The following TSSK3 variants were observed in gnomAD, a reference collection of about 807,000 sequenced individuals.
The protein encoded by TSSK3 is testis specific serine kinase 3.
TSSK3 carries 16 observed loss-of-function variants against 18.9 expected under a neutral mutation model. That is an observed-to-expected ratio of 0.85 (90% CI 0.57 to 1.28). TSSK3 has a LOEUF of 1.28. Ranked by LOEUF, TSSK3 falls within the 50% of genes most tolerant of loss-of-function variation. The probability of loss-of-function intolerance (pLI) is 0.00; values close to 1 mark genes in which losing one functional copy is unlikely to be tolerated. For missense variants in TSSK3, 345 were observed against 341.0 expected (o/e 1.01, Z -0.09); for synonymous variants, 146 against 133.9 (o/e 1.09, Z -0.62).
Position 32,364,256 on chromosome 1 carries a change from A to G in TSSK3, c.807A>G (p.Ter269TrpextTer1). 6.3e-7 allele frequency: 1 copy of G among 1,589,726 alleles called. No individual in the cohort carries two copies. The highest frequency in any genetic ancestry group is 8.6e-7 in the Non-Finnish European group (1 of 1,163,960). The change falls in exon 2 of 2, where the codon TGA becomes TGG. Residue 269 changes from the stop codon to tryptophan, a stop_lost. Coordinates refer to ENST00000373534, the MANE Select transcript of TSSK3 (RefSeq NM_052841.4). ...GGCATCCATGGCTAGCAAGCACTTGATAAAAGCAATGGCAAGTGCTCTCCA... is the reference window on the plus strand; with the variant it reads ...GGCATCCATGGCTAGCAAGCACTTGGTAAAAGCAATGGCAAGTGCTCTCCA... Reference protein sequence around the residue: ...VSWHPWLAST* With the variant: ...VSWHPWLASTW
At chr1:32,363,372 A>G in intron 1 of TSSK3, 1 of 565,972 alleles carries the variant, frequency 1.8e-6, no homozygotes, top group Non-Finnish European at 3.1e-6. Flanking sequence ...ACAGTCCACA[A>G]GGCTGGTGGG....
chr1:32,364,193 C>G lies in TSSK3; in HGVS notation c.744C>G (p.Pro248=). The part of the protein sequence containing the change: ...CQDLLKRLLE[P]DMILRPSIEE... ...ACCTGCTCAAGAGGCTCCTGGAACC[C>G]GATATGATCCTCCGGCCTTCAATTG... The change falls in exon 2 of 2, where the codon CCC becomes CCG. Residue 248 remains proline (P), a synonymous_variant. Coordinates refer to ENST00000373534, the MANE Select transcript of TSSK3 (RefSeq NM_052841.4). 6.2e-7 allele frequency: 1 copy of G among 1,612,874 alleles called. No individual in the cohort carries two copies. Among genetic ancestry groups the G allele is most frequent in the African/African-American group, 1.3e-5 (1 of 75,000 alleles).
intron 1 of TSSK3, 196 bp from the exon 2 acceptor site, chr1:32,363,399 T>A (rs1641745266): frequency 1.6e-6 from 1 of 606,612 alleles, no homozygotes; most frequent in African/African-American, 1.9e-5. Flanking sequence ...TTCTTTTGAA[T>A]GATATACTAA....
rs1188532491 is a variant in TSSK3 at position 32,364,034 on chromosome 1, C to G, written c.585C>G (p.Ser195Arg). 1 of 1,614,240 alleles carries G rather than the reference C, an allele frequency of 6.2e-7. No homozygotes were observed. The highest frequency in any genetic ancestry group is 8.5e-7 in the Non-Finnish European group (1 of 1,180,048). Residue 195 changes from serine (S) to arginine (R), a missense_variant, in exon 2 of 2, where the codon AGC (serine) becomes AGG (arginine). Coordinates refer to ENST00000373534, the MANE Select transcript of TSSK3 (RefSeq NM_052841.4). ...PHDSKKGDVWSMGVVLYVMLC... is the reference protein window; with the variant it reads ...PHDSKKGDVWRMGVVLYVMLC... ...ATAGCAAAAAAGGTGATGTCTGGAG[C>G]ATGGGTGTGGTCCTGTATGTCATGC...
rs767078812 is a variant in TSSK3 at position 32,364,134 on chromosome 1, C to T, written c.685C>T (p.Pro229Ser). 5.6e-6 allele frequency: 9 copies of T among 1,614,228 alleles called. No homozygotes were observed. The highest frequency in any genetic ancestry group is 2.5e-6 in the Non-Finnish European group (3 of 1,180,038). The change falls in exon 2 of 2, where the codon CCC becomes TCC. Residue 229 changes from proline (P) to serine (S), a missense_variant. Transcript: ENST00000373534. The part of the protein sequence containing the change: ...LWQQQKGVSF[P>S]THLSISADCQ... Reference sequence around the variant, plus strand: ...GCAGCAGCAGAAGGGGGTGTCCTTCCCCACTCATCTGAGCATCTCGGCCGA... The same window carrying T: ...GCAGCAGCAGAAGGGGGTGTCCTTCTCCACTCATCTGAGCATCTCGGCCGA...
rs1015107560 is a variant in TSSK3, at chr1:32,362,591, G to C, written c.-111G>C. ...ATGTTCTAACGCTGGGGGCGGCTGC[G>C]GATGAAGTCCTTGGGGAGAAAAGGA... is the stretch of plus-strand genomic sequence containing the variant. On this transcript the variant is annotated 5_prime_UTR_variant, in exon 1 of 2. Transcript: ENST00000373534. 4.5e-6 allele frequency: 6 copies of C among 1,324,348 alleles called. No individual in the cohort carries two copies. In the African/African-American group the frequency reaches 7.4e-5, roughly 16 times the overall value. The allele number at this position is 1,324,348 out of a possible 1,614,324, so 82.0% of individuals were successfully genotyped here. A position where few individuals can be genotyped will look rare whatever the true frequency, so the allele number is the denominator to read the frequency against.
intron 1 of TSSK3, 197 bp from the exon 2 acceptor site, chr1:32,363,398 A>ATGAT (rs1641745319): frequency 1.7e-6 from 1 of 605,264 alleles, no homozygotes; most frequent in African/African-American, 1.9e-5. Context: ...CTTCTTTTGA[A>ATGAT]TGATATACTA....
rs769600640 is a variant in TSSK3, at chr1:32,362,846, G to A, written c.145G>A (p.Glu49Lys). Reference protein sequence around the residue: ...KVIDKMGGPEEFIQRFLPREL... With the variant: ...KVIDKMGGPEKFIQRFLPREL... ...TATAGACAAGATGGGAGGGCCAGAA[G>A]GTGAGCCGGGGCCCCTTTGGAGGGA... The change falls in exon 1 of 2, where the codon GAG becomes AAG. Residue 49 changes from glutamate to lysine, a missense_variant and splice_region_variant. By Grantham distance (56) the Glu-to-Lys change is moderately conservative. Coordinates refer to ENST00000373534, the MANE Select transcript of TSSK3 (RefSeq NM_052841.4). 1 of 1,614,136 alleles carries A rather than the reference G, an allele frequency of 6.2e-7. No homozygotes were observed. Among genetic ancestry groups the A allele is most frequent in the Non-Finnish European group, 8.5e-7 (1 of 1,180,014 alleles).
chr1:32,362,938 TC>T (rs1459355845), intron 1 of TSSK3, 92 bp downstream of exon 1: 55 of 1,486,898 alleles, frequency 3.7e-5, no homozygotes, highest in Non-Finnish European at 4.8e-5. Flanking sequence ...ATTCGATCAT[TC>T]CCTGCTCCCG....
Position 32,364,158 on chromosome 1 carries a change from G to A in TSSK3, c.709G>A (p.Asp237Asn), listed in dbSNP as rs375001076. 34 of 1,614,082 alleles carry A rather than the reference G, an allele frequency of 2.1e-5. No homozygotes were observed. The highest frequency in any genetic ancestry group is 5.5e-5 in the South Asian group (5 of 91,088). ...CCCCACTCATCTGAGCATCTCGGCC[G>A]ATTGCCAGGACCTGCTCAAGAGGCT... ...SFPTHLSISA[D>N]CQDLLKRLLE... Residue 237 changes from aspartate (D) to asparagine (N), a missense_variant, in exon 2 of 2, where the codon GAT (aspartate) becomes AAT (asparagine). Coordinates refer to ENST00000373534, the MANE Select transcript of TSSK3 (RefSeq NM_052841.4).
intron 1 of TSSK3, chr1:32,363,065 T>C (rs1025198425): frequency 1.6e-5 from 9 of 558,212 alleles, no homozygotes; most frequent in African/African-American, 3.8e-5. Context: ...GAAAGTGGCA[T>C]GAGGTGAAGG....
Sources: gnomAD v4.1 joint callset for allele counts on GRCh38, gnomAD v4.1.1 for gene constraint, MANE v1.5 for transcripts, NCBI Gene and HGNC (gene_info 2026-07-23, HGNC 2026-07-21) for gene names.